Variants in ZNF521 observed in about 807,000 individuals in gnomAD.
ZNF521 encodes LYST-interacting protein 3.
In ZNF521, 14 loss-of-function variants were observed where a neutral mutation model predicts 105.5. The observed-to-expected ratio is 0.13, with a 90% CI of 0.09 to 0.21. ZNF521 has a LOEUF of 0.21. ZNF521 is among the 10% of genes least tolerant of loss of function. The pLI, the probability that ZNF521 is intolerant of heterozygous loss-of-function variation, is 1.00. For missense variants in ZNF521, 1,233 were observed against 1,629.7 expected (o/e 0.76, Z 4.19); for synonymous variants, 635 against 606.0 (o/e 1.05, Z -0.70).
At chr18:25,134,903 A>G (rs1011211140) in intron 5 of ZNF521, among the ~76,000 whole-genome samples, 19 of 152,102 alleles carry the variant, frequency 1.2e-4, no homozygotes, top group Non-Finnish European at 2.5e-4. Flanking sequence ...GCTTAGTGCT[A>G]TTTGATCAAA....
chr18:25,105,799 C>T (rs1023297394), intron 5 of ZNF521, among the ~76,000 whole-genome samples: 2 of 152,060 alleles, frequency 1.3e-5, no homozygotes, highest in East Asian at 1.9e-4. Context: ...TTAGTTAAAT[C>T]GTGTATGATG....
chr18:25,085,086 C>G (rs1191918847), intron 7 of ZNF521, among the ~76,000 whole-genome samples: 1 of 152,026 alleles, frequency 6.6e-6, no homozygotes. Flanking sequence ...ATAATGGACT[C>G]TTATTCCAAA....
chr18:25,162,936 A>T (rs2035275531), intron 5 of ZNF521, among the ~76,000 whole-genome samples: 1 of 152,202 alleles, frequency 6.6e-6, no homozygotes, highest in Non-Finnish European at 1.5e-5. Context: ...CCTAAGCCTT[A>T]AAATATGTTC....
rs56364504 is a variant in ZNF521, at chr18:25,083,931, ATTTTTTTTTTTTTTT to A, written c.3906+5519_3906+5533del. Among the ~76,000 whole-genome samples, 258 of 57,900 alleles carry A rather than the reference ATTTTTTTTTTTTTTT, an allele frequency of 4.5e-3. 3 individuals are homozygous for A. Among genetic ancestry groups the A allele is most frequent in the African/African-American group, 0.016 (222 of 13,802 alleles). The allele number at this position is 57,900 out of a possible 152,430, so 38.0% of individuals were successfully genotyped here. ...GACCACAGGCACCTCAACCTGGGTA[ATTTTTTTTTTTTTTT>A]TTTTTTTTTTTTTTTTGGTAGAGAT... is the stretch of plus-strand genomic sequence containing the variant. On this transcript the variant is annotated intron_variant, in intron 7 of 7. Coordinates refer to ENST00000361524, the MANE Select transcript of ZNF521 (RefSeq NM_015461.3).
chr18:25,253,738 G>A (rs528761537), intron 3 of ZNF521, among the ~76,000 whole-genome samples: 119 of 152,094 alleles, frequency 7.8e-4, no homozygotes, highest in Non-Finnish European at 1.5e-3. Context: ...AATAAGAAAT[G>A]ATCAGCATGT....
Position 25,227,255 on chromosome 18 carries a change from C to A in ZNF521, c.663G>T (p.Met221Ile). 1 of 1,614,150 alleles carries A rather than the reference C, an allele frequency of 6.2e-7. No homozygotes were observed. The highest frequency in any genetic ancestry group is 8.5e-7 in the Non-Finnish European group (1 of 1,180,018). ...FLSSSSLHGH[M>I]QVHERNKDGS... ...CGTCCTTGTTCCTCTCATGAACCTG[C>A]ATGTGTCCGTGTAAGGAACTAGAGG... Residue 221 changes from methionine to isoleucine, a missense_variant, in exon 4 of 8, where the codon ATG becomes ATT. Met to Ile is a conservative substitution (Grantham distance 10). Coordinates refer to ENST00000361524, the MANE Select transcript of ZNF521 (RefSeq NM_015461.3). The surrounding 1 kb of genome is among the most constrained non-coding windows in gnomAD (Gnocchi z 5.7).
chr18:25,122,120 A>G (rs533836863), intron 5 of ZNF521, among the ~76,000 whole-genome samples: 2 of 152,350 alleles, frequency 1.3e-5, no homozygotes, highest in South Asian at 4.1e-4. Flanking sequence ...CATGAAAGAG[A>G]TAAAAAGATC....
intron 3 of ZNF521, among the ~76,000 whole-genome samples, chr18:25,273,213 C>T (rs1192409986): frequency 1.8e-5 from 1 of 55,750 alleles, no homozygotes; most frequent in South Asian, 8.3e-4. Context: ...GAGTGAAACC[C>T]TGTCTCCAAA....
intron 3 of ZNF521, among the ~76,000 whole-genome samples, chr18:25,290,607 C>CTTTTTTTTTTTT (rs35687026): frequency 8.6e-6 from 1 of 116,220 alleles, no homozygotes; most frequent in Non-Finnish European, 1.8e-5. Flanking sequence ...AGGCCATATT[C>CTTTTTTTTTTTT]TTTTTTTTTT....
intron 3 of ZNF521, among the ~76,000 whole-genome samples, chr18:25,259,113 G>A (rs1489785737): frequency 2.0e-5 from 3 of 152,134 alleles, no homozygotes; most frequent in African/African-American, 7.2e-5. Flanking sequence ...CTCAATTCCT[G>A]AGCTACTTTC....
At chr18:25,158,449 C>A (rs1046174870) in intron 5 of ZNF521, among the ~76,000 whole-genome samples, 5 of 151,946 alleles carry the variant, frequency 3.3e-5, no homozygotes, top group African/African-American at 9.7e-5. Flanking sequence ...TGGCCATAAT[C>A]ATCAAAAATA....
intron 3 of ZNF521, among the ~76,000 whole-genome samples, chr18:25,281,697 G>A (rs986346369): frequency 2.6e-5 from 4 of 152,168 alleles, no homozygotes; most frequent in African/African-American, 9.7e-5. Flanking sequence ...CCCAAATCAC[G>A]TGACTATTAA....
At chr18:25,199,405 C>A (rs562772933) in intron 4 of ZNF521, among the ~76,000 whole-genome samples, 12 of 151,660 alleles carry the variant, frequency 7.9e-5, no homozygotes, top group African/African-American at 2.9e-4. Context: ...GCTTTTGAGG[C>A]AATTGAGAAT....
Position 25,227,835 on chromosome 18 carries a change from T to C in ZNF521, c.221-138A>G. 1 of 711,182 alleles carries C rather than the reference T, an allele frequency of 1.4e-6. No homozygotes were observed. Among genetic ancestry groups the C allele is most frequent in the Non-Finnish European group, 2.3e-6 (1 of 440,410 alleles). The allele number at this position is 711,182 out of a possible 1,614,324, so 44.1% of individuals were successfully genotyped here. ...AAAACAAAATGAAAAGAGAGAATATTTGAGTGAGACATTTTCAAATCTGAG... is the reference window on the plus strand; with the variant it reads ...AAAACAAAATGAAAAGAGAGAATATCTGAGTGAGACATTTTCAAATCTGAG... On this transcript the variant is annotated intron_variant, in intron 3 of 7. Coordinates refer to ENST00000361524, the MANE Select transcript of ZNF521 (RefSeq NM_015461.3). The surrounding 1 kb of genome is among the most constrained non-coding windows in gnomAD (Gnocchi z 5.7).
In ZNF521 at chr18:25,225,146, C is replaced by T; in HGVS notation, c.2772G>A (p.Glu924=). The change falls in exon 4 of 8, where the codon GAG becomes GAA. Residue 924 remains glutamate, a synonymous_variant. Coordinates refer to ENST00000361524, the MANE Select transcript of ZNF521 (RefSeq NM_015461.3). This position sits in a 1 kb window ranked among gnomAD's most constrained non-coding sequence, Gnocchi z 5.6. ...GESAIVKKKA[E]LIKGNYKCNV... ...TGCACTTGTAATTCCCTTTAATGAG[C>T]TCAGCTTTCTTTTTCACGATGGCAC... 2.5e-6 allele frequency: 4 copies of T among 1,614,124 alleles called. No homozygotes were observed. Among genetic ancestry groups the T allele is most frequent in the Non-Finnish European group, 3.4e-6 (4 of 1,180,026 alleles).
intron 5 of ZNF521, among the ~76,000 whole-genome samples, chr18:25,104,948 C>T (rs977213416): frequency 1.3e-5 from 2 of 152,050 alleles, no homozygotes; most frequent in Non-Finnish European, 2.9e-5. Context: ...AATTTTTTTT[C>T]TCTGGGACGG....
intron 5 of ZNF521, among the ~76,000 whole-genome samples, chr18:25,145,631 T>A (rs1386684050): frequency 6.6e-6 from 1 of 152,122 alleles, no homozygotes; most frequent in East Asian, 1.9e-4. Flanking sequence ...AATCCTGACA[T>A]CCAATATTGT....
intron 4 of ZNF521, among the ~76,000 whole-genome samples, chr18:25,222,315 A>G (rs1409899414): frequency 6.6e-6 from 1 of 152,232 alleles, no homozygotes; most frequent in Non-Finnish European, 1.5e-5. Context: ...CCTTAATGAT[A>G]AATTCTCCTC....
At chr18:25,351,885 CG>C (rs1274752181) in intron 1 of ZNF521, 119 bp downstream of exon 1, 1 of 274,032 alleles carries the variant, frequency 3.6e-6, no homozygotes, top group Non-Finnish European at 7.4e-6. Flanking sequence ...GCAGCGGCGG[CG>C]GCAGCAGCGG....
Sources: gnomAD v4.1 joint callset for allele counts (sites outside exome capture counted in the v4.1 genomes callset) on GRCh38, gnomAD v4.1.1 for gene constraint, Gnocchi (gnomAD v3.1) non-coding constraint, MANE v1.5 for transcripts, NCBI Gene and HGNC (gene_info 2026-07-23, HGNC 2026-07-21) for gene names.